Variants in PALD1 observed in about 807,000 individuals in gnomAD.
PALD1 encodes phosphatase domain containing paladin 1.
A neutral mutation model predicts 96.0 loss-of-function variants in PALD1; 57 were observed. The observed-to-expected ratio is 0.59, with a 90% CI of 0.48 to 0.74. PALD1 has a LOEUF of 0.74. Ranked by LOEUF, PALD1 falls within the 30% of genes least tolerant of loss-of-function variation. The probability of loss-of-function intolerance (pLI) is 0.00; values close to 1 mark genes in which losing one functional copy is unlikely to be tolerated. For missense variants in PALD1, 1,063 were observed against 1,143.7 expected (o/e 0.93, Z 1.02); for synonymous variants, 464 against 473.6 (o/e 0.98, Z 0.26).
chr10:70,478,458 C>T (rs983034714), upstream of PALD1, among the ~76,000 whole-genome samples: 1 of 152,204 alleles, frequency 6.6e-6, no homozygotes, highest in African/African-American at 2.4e-5. Flanking sequence ...TGCTGCCTCT[C>T]GCAGCCAGGA....
chr10:70,538,353 C>A lies in PALD1; in HGVS notation c.1397C>A (p.Thr466Lys), dbSNP rs142662437. 6.2e-7 allele frequency: 1 copy of A among 1,610,268 alleles called. No homozygotes were observed. The highest frequency in any genetic ancestry group is 1.7e-5 in the Admixed American group (1 of 60,022). ...CCTGAGCTGTACCGCCTGCCCGTGACGCTGAGCTCAGCAGGCCCTGTGGCT... is the reference window on the plus strand; with the variant it reads ...CCTGAGCTGTACCGCCTGCCCGTGAAGCTGAGCTCAGCAGGCCCTGTGGCT... ...AHPELYRLPV[T>K]LSSAGPVAPR... Residue 466 changes from threonine to lysine, a missense_variant, in exon 12 of 20, where the codon ACG (threonine) becomes AAG (lysine). By Grantham distance (78) the Thr-to-Lys change is moderately conservative (BLOSUM62 -1). Coordinates refer to ENST00000263563, the MANE Select transcript of PALD1 (RefSeq NM_014431.3).
At chr10:70,460,430 C>T in the PALD1 span, among the ~76,000 whole-genome samples, 44 of 152,208 alleles carry the variant, frequency 2.9e-4, no homozygotes, top group African/African-American at 1.0e-3. Context: ...CTCCATTCAT[C>T]AAGACTGAAC....
chr10:70,533,807 A>C (rs1340033029), intron 7 of PALD1, 115 bp from the exon 8 acceptor site: 1 of 964,096 alleles, frequency 1.0e-6, no homozygotes, highest in Admixed American at 3.4e-5. Flanking sequence ...ATTGGAGCCC[A>C]CTTTGCTGCA....
chr10:70,564,775 G>A (rs1419814735), intron 19 of PALD1, among the ~76,000 whole-genome samples: 3 of 152,358 alleles, frequency 2.0e-5, no homozygotes, highest in Admixed American at 6.5e-5. Flanking sequence ...GGAGGAGGGA[G>A]GGGACAGAGT....
At chr10:70,495,828 G>T (rs531643684) in intron 1 of PALD1, among the ~76,000 whole-genome samples, 1 of 145,902 alleles carries the variant, frequency 6.9e-6, no homozygotes, top group Admixed American at 7.0e-5. Flanking sequence ...AGCATAGTGA[G>T]ATTCTTGTCT....
intron 1 of PALD1, among the ~76,000 whole-genome samples, chr10:70,507,622 A>T (rs908624015): frequency 2.6e-5 from 4 of 152,130 alleles, no homozygotes; most frequent in African/African-American, 4.8e-5. Flanking sequence ...GGGTTTCGCC[A>T]CGTTGCCCAG....
At chr10:70,560,941 G>T (rs200687864) in intron 18 of PALD1, among the ~76,000 whole-genome samples, 39 of 16,468 alleles carry the variant, frequency 2.4e-3, no homozygotes, top group Non-Finnish European at 6.7e-3. Context: ...TGCTAACATG[G>T]GGGACGGTGT....
chr10:70,538,226 G>T, intron 11 of PALD1, 54 bp from the exon 12 acceptor site: 1 of 1,588,012 alleles, frequency 6.3e-7, no homozygotes, highest in South Asian at 1.1e-5. Flanking sequence ...GGCAGGGAGG[G>T]TTCAGGATGG....
chr10:70,549,210 C>T (rs1163129931), intron 18 of PALD1, among the ~76,000 whole-genome samples: 1 of 152,170 alleles, frequency 6.6e-6, no homozygotes, highest in Non-Finnish European at 1.5e-5. Flanking sequence ...GGGTCCCACT[C>T]ACAATGGTCT....
intron 1 of PALD1, among the ~76,000 whole-genome samples, chr10:70,480,495 G>C (rs1378994088): frequency 3.9e-5 from 6 of 152,194 alleles, no homozygotes; most frequent in Admixed American, 3.9e-4. Context: ...AGTGTTGGGG[G>C]TGGGCACAGT....
chr10:70,559,319 G>T (rs1330288818), intron 18 of PALD1, among the ~76,000 whole-genome samples: 1 of 152,118 alleles, frequency 6.6e-6, no homozygotes, highest in East Asian at 1.9e-4. Context: ...TGTTTGAGGA[G>T]CAGAGCTAGG....
chr10:70,473,900 C>CGG (rs1554852726), upstream of PALD1, among the ~76,000 whole-genome samples: 43 of 123,704 alleles, frequency 3.5e-4, no homozygotes, highest in African/African-American at 1.4e-3. Context: ...CACCCCCCCC[C>CGG]CCTCAGCCTC....
At chr10:70,527,638 T>C (rs10999375) in intron 2 of PALD1, among the ~76,000 whole-genome samples, 69,779 of 151,916 alleles carry the variant, frequency 0.46, 17,152 homozygotes, top group Middle Eastern at 0.59. Context: ...TGCATTTTAG[T>C]TCAGATGTGA....
At chr10:70,553,689 A>AG (rs1234369808) in intron 18 of PALD1, among the ~76,000 whole-genome samples, 1 of 152,160 alleles carries the variant, frequency 6.6e-6, no homozygotes, top group Non-Finnish European at 1.5e-5. Context: ...CAGATTTAGG[A>AG]GGGGGACAAG....
the PALD1 span, among the ~76,000 whole-genome samples, chr10:70,472,897 A>C: frequency 6.6e-6 from 1 of 152,324 alleles, no homozygotes; most frequent in Non-Finnish European, 1.5e-5. Context: ...ACTTCCTCTC[A>C]GACAGCTATT....
the PALD1 span, among the ~76,000 whole-genome samples, chr10:70,460,383 G>T: frequency 2.6e-5 from 4 of 152,108 alleles, no homozygotes; most frequent in South Asian, 2.1e-4. Context: ...CCGGCCTACC[G>T]TGCGTCTCCC....
At chr10:70,471,711 T>C in the PALD1 span, among the ~76,000 whole-genome samples, 1 of 152,228 alleles carries the variant, frequency 6.6e-6, no homozygotes, top group African/African-American at 2.4e-5. Flanking sequence ...TAGGCGAAAG[T>C]CCTAGTGATG....
At chr10:70,524,927 TC>T (rs890779972) in intron 1 of PALD1, among the ~76,000 whole-genome samples, 6 of 152,166 alleles carry the variant, frequency 3.9e-5, no homozygotes, top group Admixed American at 1.3e-4. Flanking sequence ...GACTGCCGAA[TC>T]CCCGAGGGTG....
At chr10:70,556,285 T>TCTCCCCCC (rs1554862632) in intron 18 of PALD1, among the ~76,000 whole-genome samples, 1 of 147,706 alleles carries the variant, frequency 6.8e-6, no homozygotes, top group Non-Finnish European at 1.5e-5. Context: ...GAGACCTCTC[T>TCTCCCCCC]CTCTCTCTCT....
Sources: allele counts gnomAD v4.1 joint callset (sites outside exome capture counted in the v4.1 genomes callset), GRCh38; gene constraint gnomAD v4.1.1; transcripts MANE v1.5; gene names NCBI Gene and HGNC (gene_info 2026-07-23, HGNC 2026-07-21).